DPP6: variants seen among roughly 807,000 people sequenced by gnomAD.
The protein encoded by DPP6 is dipeptidyl peptidase like 6.
A neutral mutation model predicts 122.6 loss-of-function variants in DPP6; 69 were observed. The ratio of observed to expected loss-of-function variants is 0.56; its 90% confidence interval spans 0.46 to 0.69. DPP6 has a LOEUF of 0.69. Ranked by LOEUF, DPP6 falls within the 30% of genes least tolerant of loss-of-function variation. The pLI is 0.00. For synonymous variants in DPP6, 418 were observed against 433.1 expected (o/e 0.97, Z 0.43); for missense variants, 928 against 1,116.9 (o/e 0.83, Z 2.41).
intron 24 of DPP6, 29 bp downstream of exon 24, chr7:154,889,373 G>T (rs1012682849): frequency 8.1e-6 from 13 of 1,609,950 alleles, no homozygotes; most frequent in African/African-American, 4.0e-5. Flanking sequence ...AATTCACTGT[G>T]TATCTAGTAA....
At chr7:154,312,082 G>A (rs913702651) in intron 1 of DPP6, among the ~76,000 whole-genome samples, 3 of 152,154 alleles carry the variant, frequency 2.0e-5, no homozygotes, top group African/African-American at 7.2e-5. Context: ...GGTCACAGCG[G>A]GGACAGTCTT....
At chr7:154,242,869 G>A (rs1189683653) in intron 1 of DPP6, among the ~76,000 whole-genome samples, 3 of 152,178 alleles carry the variant, frequency 2.0e-5, no homozygotes, top group Non-Finnish European at 4.4e-5. Flanking sequence ...GTTGCCTTCT[G>A]CAGGGCTGGG....
At chr7:154,130,118 A>G (rs1808259469) in intron 1 of DPP6, among the ~76,000 whole-genome samples, 1 of 152,038 alleles carries the variant, frequency 6.6e-6, no homozygotes, top group Non-Finnish European at 1.5e-5. Context: ...AAGGAAAGAA[A>G]AAAAGAAAAG....
intron 1 of DPP6, among the ~76,000 whole-genome samples, chr7:153,902,785 G>A (rs1043157651): frequency 3.3e-5 from 5 of 151,824 alleles, no homozygotes; most frequent in East Asian, 1.9e-4. Flanking sequence ...GCAGTGAGCC[G>A]AGCTTACACC....
chr7:154,564,285 A>G (rs1231172649), intron 4 of DPP6, among the ~76,000 whole-genome samples: 1 of 152,178 alleles, frequency 6.6e-6, no homozygotes, highest in Non-Finnish European at 1.5e-5. Flanking sequence ...CATGGAGAAT[A>G]TTTTCAAGGG....
chr7:154,327,830 A>G (rs1281004353), intron 1 of DPP6, among the ~76,000 whole-genome samples: 2 of 152,248 alleles, frequency 1.3e-5, no homozygotes, highest in Non-Finnish European at 2.9e-5. Context: ...CCAGAATAGT[A>G]AAAACACAGA....
intron 3 of DPP6, among the ~76,000 whole-genome samples, chr7:154,536,851 A>C (rs981849036): frequency 1.3e-5 from 2 of 152,190 alleles, no homozygotes; most frequent in African/African-American, 4.8e-5. Flanking sequence ...GACCTTCTCA[A>C]ATTGTACTGC....
chr7:154,875,774 G>C lies in DPP6; in HGVS notation c.1884-132G>C, dbSNP rs779296179. The C allele has an allele frequency of 8.4e-6, 11 of 1,307,286 alleles. No individual in the cohort carries two copies. Among genetic ancestry groups the C allele is most frequent in the Non-Finnish European group, 1.0e-5 (10 of 967,666 alleles). 81.0% of individuals were successfully genotyped at this position (1,307,286 alleles called of 1,614,324 possible). Reference sequence around the variant, plus strand: ...ACCTGCCCGGGGCAACAGAATCTGGGGTATGGAGTTGAGCGTGTGGCAGCC... The same window carrying C: ...ACCTGCCCGGGGCAACAGAATCTGGCGTATGGAGTTGAGCGTGTGGCAGCC... On this transcript the variant is annotated intron_variant, in intron 19 of 25. Coordinates refer to ENST00000377770, the MANE Select transcript of DPP6 (RefSeq NM_130797.4). This position sits in a 1 kb window ranked among gnomAD's most constrained non-coding sequence, Gnocchi z 4.5.
chr7:154,548,597 T>C (rs549559593), intron 4 of DPP6, among the ~76,000 whole-genome samples: 1 of 152,080 alleles, frequency 6.6e-6, no homozygotes, highest in South Asian at 2.1e-4. Flanking sequence ...AGAGCTACTG[T>C]TCCCTGCAGG....
intron 18 of DPP6, among the ~76,000 whole-genome samples, chr7:154,869,082 C>G (rs115988040): frequency 0.022 from 3,378 of 152,272 alleles, 128 homozygotes; most frequent in African/African-American, 0.077. Flanking sequence ...GTTTCCAGAG[C>G]TCGGCGGAAA....
At chr7:154,720,676 G>A (rs1041577461) in intron 7 of DPP6, among the ~76,000 whole-genome samples, 15 of 152,244 alleles carry the variant, frequency 9.9e-5, no homozygotes, top group African/African-American at 3.6e-4. Context: ...GGGCCCCAGT[G>A]CCACAGTTGG....
intron 4 of DPP6, among the ~76,000 whole-genome samples, chr7:154,544,251 T>G (rs1262652832): frequency 6.6e-6 from 1 of 151,740 alleles, no homozygotes; most frequent in Non-Finnish European, 1.5e-5. Context: ...AAAACATTTA[T>G]CAAAATGTCT....
At chr7:154,376,839 CTG>C (rs977940174) in intron 1 of DPP6, among the ~76,000 whole-genome samples, 6 of 152,168 alleles carry the variant, frequency 3.9e-5, no homozygotes, top group Non-Finnish European at 8.8e-5. Context: ...TGGCTCCTAA[CTG>C]GGGAATTTTT....
chr7:154,767,697 A>G (rs1419848782), intron 8 of DPP6, among the ~76,000 whole-genome samples: 2 of 152,094 alleles, frequency 1.3e-5, no homozygotes, highest in East Asian at 3.9e-4. Context: ...GGGACTCAAG[A>G]ACACACAGCA....
the DPP6 span, among the ~76,000 whole-genome samples, chr7:153,803,822 GATAA>G: frequency 6.7e-6 from 1 of 148,540 alleles, no homozygotes; most frequent in African/African-American, 2.5e-5. Context: ...TATAGAAACA[GATAA>G]ATGTGTATGT....
intron 13 of DPP6, 27 bp from the exon 14 acceptor site, chr7:154,803,837 T>A: frequency 6.2e-7 from 1 of 1,608,322 alleles, no homozygotes. Flanking sequence ...CGGTGTCTGC[T>A]CCTGATGCCA....
intron 5 of DPP6, among the ~76,000 whole-genome samples, chr7:154,575,058 GTGTT>G (rs1388791141): frequency 8.8e-6 from 1 of 113,682 alleles, no homozygotes; most frequent in African/African-American, 3.4e-5. Context: ...TGTGTGTGGT[GTGTT>G]TGGTGTGTTG....
intron 5 of DPP6, among the ~76,000 whole-genome samples, chr7:154,582,154 G>T (rs1832116589): frequency 6.6e-6 from 1 of 152,176 alleles, no homozygotes; most frequent in Admixed American, 6.5e-5. Flanking sequence ...GAAACAGTCT[G>T]AGTGCTTGCT....
At chr7:154,430,656 G>A (rs1230811352) in intron 1 of DPP6, among the ~76,000 whole-genome samples, 1 of 152,150 alleles carries the variant, frequency 6.6e-6, no homozygotes, top group Non-Finnish European at 1.5e-5. Context: ...TGCAACACAG[G>A]TGCCCTTTGG....
Sources: gnomAD v4.1 joint callset for allele counts (sites outside exome capture counted in the v4.1 genomes callset) on GRCh38, gnomAD v4.1.1 for gene constraint, Gnocchi (gnomAD v3.1) non-coding constraint, MANE v1.5 for transcripts, NCBI Gene and HGNC (gene_info 2026-07-23, HGNC 2026-07-21) for gene names.